The following SMIM10L3 variants were observed in gnomAD, a reference collection of about 807,000 sequenced individuals.
The protein encoded by SMIM10L3 is small integral membrane protein 10 like 3, also known as salivary gland specific protein SAGSIN1.
the SMIM10L3 span, among the ~76,000 whole-genome samples, chr7:6,343,222 C>T: frequency 6.6e-6 from 1 of 150,498 alleles, no homozygotes; most frequent in African/African-American, 2.4e-5. Context: ...ACTAAAAATA[C>T]AATAATTAGC....
the SMIM10L3 span, among the ~76,000 whole-genome samples, chr7:6,345,628 A>G: frequency 1.3e-5 from 2 of 152,156 alleles, no homozygotes; most frequent in Admixed American, 1.3e-4. Flanking sequence ...TCTTATAGCC[A>G]TTCTTGTGAT....
Sources: gnomAD v4.1 joint callset for allele counts (sites outside exome capture counted in the v4.1 genomes callset) on GRCh38, gnomAD v4.1.1 for gene constraint, MANE v1.5 for transcripts, NCBI Gene and HGNC (gene_info 2026-07-23, HGNC 2026-07-21) for gene names.